The following KCTD8 variants were observed in gnomAD, a reference collection of about 807,000 sequenced individuals.
KCTD8 encodes BTB/POZ domain-containing protein KCTD8.
A neutral mutation model predicts 31.5 loss-of-function variants in KCTD8; 27 were observed. The ratio of observed to expected loss-of-function variants is 0.86; its 90% CI spans 0.63 to 1.18. KCTD8 has a LOEUF of 1.18. Ranked by LOEUF, KCTD8 falls within the 50% of genes most tolerant of loss-of-function variation. The probability of loss-of-function intolerance (pLI) is 0.00; values close to 1 mark genes in which losing one functional copy is unlikely to be tolerated. For missense variants in KCTD8, 658 were observed against 647.7 expected, an observed-to-expected ratio of 1.02 and a Z score of -0.17; for synonymous variants, 290 against 280.0, an observed-to-expected ratio of 1.04 and a Z score of -0.36.
chr4:44,393,090 A>G (rs546964521), intron 1 of KCTD8, among the ~76,000 whole-genome samples: 4 of 152,156 alleles, frequency 2.6e-5, no homozygotes, highest in Non-Finnish European at 4.4e-5. Context: ...GAAAGTTGCA[A>G]TACTGTGACA....
chr4:44,187,958 A>AACACACACACAC (rs143071896), intron 1 of KCTD8, among the ~76,000 whole-genome samples: 23 of 144,658 alleles, frequency 1.6e-4, no homozygotes, highest in African/African-American at 5.3e-4. Flanking sequence ...GGAAGAGGTA[A>AACACACACACAC]ACACACACAC....
chr4:44,350,302 C>T (rs1266377718), intron 1 of KCTD8, among the ~76,000 whole-genome samples: 1 of 152,180 alleles, frequency 6.6e-6, no homozygotes, highest in Non-Finnish European at 1.5e-5. Context: ...GCCTTACAGT[C>T]TAACCCCTTC....
chr4:44,193,698 C>A (rs557516967), intron 1 of KCTD8, among the ~76,000 whole-genome samples: 1 of 151,392 alleles, frequency 6.6e-6, no homozygotes, highest in Non-Finnish European at 1.5e-5. Flanking sequence ...TGCTTTCTAA[C>A]TCAGTTCATT....
Position 44,174,597 on chromosome 4 carries a change from A to C in KCTD8, c.*193T>G, listed in dbSNP as rs1713142157. On this transcript the variant is annotated 3_prime_UTR_variant, in exon 2 of 2. Coordinates refer to ENST00000360029, the MANE Select transcript of KCTD8 (RefSeq NM_198353.3). Reference sequence around the variant, plus strand: ...TTGATTTAACACTTATTGATTTAATATTTTTTCCTTTTTAATCATGTTTCT... The same window carrying C: ...TTGATTTAACACTTATTGATTTAATCTTTTTTCCTTTTTAATCATGTTTCT... 4.2e-6 allele frequency: 2 copies of C among 479,452 alleles called. No individual in the cohort carries two copies. The highest frequency in any genetic ancestry group is 7.3e-6 in the Non-Finnish European group (2 of 275,312). 29.7% of individuals were successfully genotyped at this position (479,452 alleles called of 1,614,324 possible). A position where few individuals can be genotyped will look rare whatever the true frequency, so the allele number is the denominator to read the frequency against.
At chr4:44,392,790 C>G (rs994239689) in intron 1 of KCTD8, among the ~76,000 whole-genome samples, 3 of 151,934 alleles carry the variant, frequency 2.0e-5, no homozygotes, top group African/African-American at 4.8e-5. Context: ...ACGCAGAGAA[C>G]AGTCTAGCTT....
At chr4:44,303,463 G>A (rs968104941) in intron 1 of KCTD8, among the ~76,000 whole-genome samples, 20 of 140,962 alleles carry the variant, frequency 1.4e-4, no homozygotes, top group African/African-American at 3.0e-4. Flanking sequence ...TGTATGTGTC[G>A]AGGAATTTAT....
intron 1 of KCTD8, among the ~76,000 whole-genome samples, chr4:44,317,466 C>A (rs1409039257): frequency 7.1e-6 from 1 of 140,178 alleles, no homozygotes; most frequent in Non-Finnish European, 1.5e-5. Context: ...GTCTCGATCT[C>A]CTGACCTCAT....
chr4:44,180,836 TAGG>T (rs372812506), intron 1 of KCTD8, among the ~76,000 whole-genome samples: 8 of 152,078 alleles, frequency 5.3e-5, no homozygotes, highest in African/African-American at 1.9e-4. Context: ...ATATAATGAA[TAGG>T]AGGAGATTTT....
chr4:44,219,221 A>G (rs1184088657), intron 1 of KCTD8, among the ~76,000 whole-genome samples: 2 of 152,236 alleles, frequency 1.3e-5, no homozygotes, highest in African/African-American at 4.8e-5. Flanking sequence ...ATTCATTTAG[A>G]GCAAATAGAA....
intron 1 of KCTD8, among the ~76,000 whole-genome samples, chr4:44,433,057 T>A (rs952741804): frequency 4.0e-5 from 6 of 151,728 alleles, no homozygotes; most frequent in Admixed American, 4.0e-4. Flanking sequence ...TCACTGATTA[T>A]TTATCTGACC....
At chr4:44,228,943 C>A (rs1253756459) in intron 1 of KCTD8, among the ~76,000 whole-genome samples, 1 of 152,026 alleles carries the variant, frequency 6.6e-6, no homozygotes, top group Non-Finnish European at 1.5e-5. Flanking sequence ...ACACTCATTG[C>A]CTTTAAAATG....
At chr4:44,183,546 T>C (rs1156926370) in intron 1 of KCTD8, among the ~76,000 whole-genome samples, 3 of 152,122 alleles carry the variant, frequency 2.0e-5, no homozygotes, top group Admixed American at 1.3e-4. Flanking sequence ...TATATTAAAA[T>C]AGAAAAGTGG....
At position 44,176,860 on chromosome 4, in the gene KCTD8, C is replaced by CATCTATCTATCTATCTATCTATCT. The variant is rs58202328; in HGVS notation, c.962-1634_962-1611dup. 2.7e-3 allele frequency among the ~76,000 whole-genome samples: 400 copies of CATCTATCTATCTATCTATCTATCT among 148,466 alleles called. 2 individuals are homozygous for CATCTATCTATCTATCTATCTATCT. The highest frequency in any genetic ancestry group is 4.1e-3 in the East Asian group (20 of 4,938). On this transcript the variant is annotated intron_variant, in intron 1 of 1. Coordinates refer to ENST00000360029, the MANE Select transcript of KCTD8 (RefSeq NM_198353.3). ...AAGAAACATAAAGTATATATGTCTA[C>CATCTATCTATCTATCTATCTATCT]ATCTATCTATCTATCTATCTATCTA...
intron 1 of KCTD8, among the ~76,000 whole-genome samples, chr4:44,300,985 C>T (rs559731013): frequency 6.2e-5 from 9 of 145,724 alleles, no homozygotes; most frequent in East Asian, 2.1e-4. Flanking sequence ...TTTGTCCTTG[C>T]GATAGTTTAC....
intron 1 of KCTD8, among the ~76,000 whole-genome samples, chr4:44,219,352 T>C (rs1714740713): frequency 6.6e-6 from 1 of 152,248 alleles, no homozygotes; most frequent in South Asian, 2.1e-4. Flanking sequence ...CCTGACAATG[T>C]GATCTTATTT....
intron 1 of KCTD8, among the ~76,000 whole-genome samples, chr4:44,216,181 T>G (rs1355078305): frequency 6.6e-6 from 1 of 152,184 alleles, no homozygotes; most frequent in Non-Finnish European, 1.5e-5. Flanking sequence ...TATAAACATC[T>G]TAGAATTTCA....
intron 1 of KCTD8, among the ~76,000 whole-genome samples, chr4:44,386,370 A>G (rs1312360075): frequency 6.6e-6 from 1 of 151,026 alleles, no homozygotes; most frequent in African/African-American, 2.4e-5. Flanking sequence ...CTAAAGAAGG[A>G]AAAAAAAACT....
chr4:44,389,229 G>A (rs1720307266), intron 1 of KCTD8, among the ~76,000 whole-genome samples: 1 of 151,768 alleles, frequency 6.6e-6, no homozygotes, highest in East Asian at 1.9e-4. Context: ...ATAACAGAGT[G>A]ACTATAGTCA....
At chr4:44,433,510 A>G (rs1217216731) in intron 1 of KCTD8, among the ~76,000 whole-genome samples, 1 of 151,714 alleles carries the variant, frequency 6.6e-6, no homozygotes, top group Non-Finnish European at 1.5e-5. Flanking sequence ...GGAGTATATA[A>G]GTCTGCATTT....
Sources: gnomAD v4.1 joint callset for allele counts (sites outside exome capture counted in the v4.1 genomes callset) on GRCh38, gnomAD v4.1.1 for gene constraint, MANE v1.5 for transcripts, NCBI Gene and HGNC (gene_info 2026-07-23, HGNC 2026-07-21) for gene names.